LIFR: variants seen among roughly 807,000 people sequenced by gnomAD.
The protein encoded by LIFR is LIF receptor subunit alpha, also known as leukemia inhibitory factor receptor.
LIFR carries 84 observed loss-of-function variants against 122.2 expected under a neutral mutation model. The ratio of observed to expected loss-of-function variants is 0.69; its 90% CI spans 0.58 to 0.82. The LOEUF is 0.82. Ranked by LOEUF, LIFR falls within the 40% of genes least tolerant of loss-of-function variation. The pLI is 0.00. For synonymous variants in LIFR, 422 were observed against 434.7 expected (o/e 0.97, Z 0.36); for missense variants, 1,294 against 1,311.6 (o/e 0.99, Z 0.21).
intron 10 of LIFR, 55 bp from the exon 11 acceptor site, chr5:38,502,854 T>TAC: frequency 1.0e-6 from 1 of 1,001,234 alleles, no homozygotes; most frequent in Admixed American, 2.6e-5. Flanking sequence ...TATGAATACA[T>TAC]ATATATATAC....
At chr5:38,539,021 C>T (rs1010881676) in intron 1 of LIFR, among the ~76,000 whole-genome samples, 3 of 152,018 alleles carry the variant, frequency 2.0e-5, no homozygotes, top group Admixed American at 1.3e-4. Flanking sequence ...AGTGCAGTGG[C>T]GCGATCTCGG....
upstream of LIFR, chr5:38,557,786 AT>A (rs1181126119): frequency 6.5e-6 from 1 of 153,122 alleles, no homozygotes; most frequent in Non-Finnish European, 1.5e-5. Flanking sequence ...AAACAAAAAT[AT>A]GTATTTCACA....
chr5:38,529,335 A>G (rs1482742027), intron 2 of LIFR, among the ~76,000 whole-genome samples: 1 of 152,024 alleles, frequency 6.6e-6, no homozygotes, highest in Non-Finnish European at 1.5e-5. Flanking sequence ...TTTAAACAAA[A>G]CTTTGAAACT....
chr5:38,553,482 T>C (rs997734123), intron 1 of LIFR, among the ~76,000 whole-genome samples: 3 of 151,384 alleles, frequency 2.0e-5, no homozygotes, highest in Non-Finnish European at 2.9e-5. Flanking sequence ...CCTAGAAAGT[T>C]GTCTGGAATA....
intron 1 of LIFR, among the ~76,000 whole-genome samples, chr5:38,585,177 C>A (rs75400016): frequency 6.6e-6 from 1 of 152,062 alleles, no homozygotes; most frequent in Non-Finnish European, 1.5e-5. Context: ...ATTTAAGTTG[C>A]GTGCTTTAGA....
At chr5:38,599,842 C>A (rs1435257186), upstream of LIFR, among the ~76,000 whole-genome samples, 1 of 152,118 alleles carries the variant, frequency 6.6e-6, no homozygotes, top group Admixed American at 6.6e-5. Context: ...ATGTGAATGG[C>A]CTCATCCTCT....
intron 1 of LIFR, among the ~76,000 whole-genome samples, chr5:38,547,631 A>G (rs1185390222): frequency 1.3e-5 from 2 of 152,242 alleles, no homozygotes; most frequent in Non-Finnish European, 2.9e-5. Flanking sequence ...AAGTCCCTAC[A>G]TAAAACTAAT....
chr5:38,581,271 T>C (rs1293451733), intron 1 of LIFR, among the ~76,000 whole-genome samples: 1 of 152,164 alleles, frequency 6.6e-6, no homozygotes, highest in East Asian at 1.9e-4. Context: ...GGCTTTCTAC[T>C]ATTTAAAGAC....
upstream of LIFR, among the ~76,000 whole-genome samples, chr5:38,560,873 T>C (rs1580193908): frequency 6.6e-6 from 1 of 152,134 alleles, no homozygotes; most frequent in Admixed American, 6.6e-5. Context: ...TGGGATTACA[T>C]GCATGAGCCA....
intron 1 of LIFR, among the ~76,000 whole-genome samples, chr5:38,565,668 GC>G (rs1215703362): frequency 6.6e-6 from 1 of 150,610 alleles, no homozygotes; most frequent in Non-Finnish European, 1.5e-5. Flanking sequence ...GCTCACTGCA[GC>G]CCCCACCTCC....
intron 1 of LIFR, among the ~76,000 whole-genome samples, chr5:38,537,111 A>G (rs984127432): frequency 6.6e-6 from 1 of 152,174 alleles, no homozygotes; most frequent in Non-Finnish European, 1.5e-5. Flanking sequence ...GTCCATTATG[A>G]ACCTCAGCAT....
intron 7 of LIFR, among the ~76,000 whole-genome samples, chr5:38,508,309 A>G (rs1239083009): frequency 6.6e-6 from 1 of 152,238 alleles, no homozygotes; most frequent in Non-Finnish European, 1.5e-5. Context: ...TTTTAATAAT[A>G]TCAGAAAACA....
In LIFR at chr5:38,502,672, C is replaced by T; in HGVS notation, c.1565G>A (p.Trp522Ter). ...STETFWKWSKWSNKKQHLTTE... is the reference protein window; with the variant it reads ...STETFWKWSK ...TGTTAAATGTTGTTTTTTATTGCTCCATTTGCTCCATTTCCAGAAAGTTTC... is the reference window on the plus strand; with the variant it reads ...TGTTAAATGTTGTTTTTTATTGCTCTATTTGCTCCATTTCCAGAAAGTTTC... Residue 522 changes from tryptophan to a stop codon, truncating the protein, a stop_gained, in exon 11 of 20, where the codon TGG becomes TAG. Coordinates refer to ENST00000453190, the MANE Select transcript of LIFR (RefSeq NM_001127671.2). LOFTEE classifies it high-confidence loss of function. 1 of 1,613,524 alleles carries T rather than the reference C, an allele frequency of 6.2e-7. No homozygotes were observed. Among genetic ancestry groups the T allele is most frequent in the Non-Finnish European group, 8.5e-7 (1 of 1,179,634 alleles).
At chr5:38,596,741 ACACCTGGTCAAC>A (rs1361176075), upstream of LIFR, among the ~76,000 whole-genome samples, 6 of 152,198 alleles carry the variant, frequency 3.9e-5, no homozygotes, top group African/African-American at 9.6e-5. Flanking sequence ...AAAAACGATC[ACACCTGGTCAAC>A]CCTAATCTTG....
In LIFR at chr5:38,550,307, A is replaced by AG. The variant is rs1039925209; in HGVS notation, c.-20+6026_-20+6027insC. 21 of 816,866 alleles carry AG rather than the reference A, an allele frequency of 2.6e-5. No homozygotes were observed. The African/African-American group carries it at 3.9e-4, about 15-fold the overall frequency. 50.6% of individuals were successfully genotyped at this position (816,866 alleles called of 1,614,324 possible). On this transcript the variant is annotated intron_variant, in intron 1 of 19. Transcript: ENST00000453190. ...TTGATAAAGCACAACTGAAAAAAAA[A>AG]CAGGGAAAAATTCAAACAATAAATG...
chr5:38,582,741 CA>C (rs554914433), intron 1 of LIFR, among the ~76,000 whole-genome samples: 173 of 152,234 alleles, frequency 1.1e-3, no homozygotes, highest in Non-Finnish European at 2.0e-3. Flanking sequence ...CATCCCCTGC[CA>C]GCATTTCACT....
In LIFR at chr5:38,479,943, G is replaced by A. The variant is rs747486468; in HGVS notation, c.*1652C>T. 2.2e-5 allele frequency: 5 copies of A among 225,218 alleles called. No individual in the cohort carries two copies. The highest frequency in any genetic ancestry group is 4.4e-5 in the Non-Finnish European group (5 of 113,286). 14.0% of individuals were successfully genotyped at this position (225,218 alleles called of 1,614,324 possible). A position where few individuals can be genotyped will look rare whatever the true frequency, so the allele number is the denominator to read the frequency against. ...GATCATAAAGCTCAGAAATTTAGCT[G>A]AATCCTAGCAGTTAAAATCAGGATT... On this transcript the variant is annotated 3_prime_UTR_variant, in exon 20 of 20. Transcript: ENST00000453190.
At chr5:38,553,622 CTATATATATATATATATATATATATATA>C (rs66547796) in intron 1 of LIFR, among the ~76,000 whole-genome samples, 1,523 of 41,654 alleles carry the variant, frequency 0.037, 116 homozygotes, top group Middle Eastern at 0.062. Context: ...ACCATTTAAA[CTATATATATATATATATATATATATATA>C]TATATATATA....
intron 11 of LIFR, among the ~76,000 whole-genome samples, chr5:38,501,533 C>A (rs1745176509): frequency 6.6e-6 from 1 of 152,130 alleles, no homozygotes; most frequent in East Asian, 1.9e-4. Flanking sequence ...GCAGGCACAT[C>A]ACAAGGTCAG....
Sources: allele counts gnomAD v4.1 joint callset (sites outside exome capture counted in the v4.1 genomes callset), GRCh38; gene constraint gnomAD v4.1.1; transcripts MANE v1.5; gene names NCBI Gene and HGNC (gene_info 2026-07-23, HGNC 2026-07-21).